Variants in MKLN1 observed in about 807,000 individuals in gnomAD.
MKLN1 encodes muskelin.
A neutral mutation model predicts 99.0 loss-of-function variants in MKLN1; 18 were observed. The observed-to-expected ratio is 0.18, with a 90% CI of 0.13 to 0.27. MKLN1 has a LOEUF of 0.27. MKLN1 is among the 10% of genes least tolerant of loss of function. MKLN1 has a pLI of 1.00. For missense variants in MKLN1, 621 were observed against 875.9 expected, an observed-to-expected ratio of 0.71 and a Z score of 3.67; for synonymous variants, 288 against 293.2, an observed-to-expected ratio of 0.98 and a Z score of 0.18.
At chr7:131,262,957 T>C (rs1472038350) in intron 3 of MKLN1, among the ~76,000 whole-genome samples, 3 of 152,220 alleles carry the variant, frequency 2.0e-5, no homozygotes, top group Admixed American at 6.5e-5. Context: ...GCAGTTGTTC[T>C]ACAGAATGTT....
chr7:131,116,172 G>C (rs1795275513), intron 1 of MKLN1, among the ~76,000 whole-genome samples: 1 of 150,990 alleles, frequency 6.6e-6, no homozygotes, highest in Non-Finnish European at 1.5e-5. Context: ...GGGCATGGTG[G>C]TGGGACTATA....
intron 2 of MKLN1, among the ~76,000 whole-genome samples, chr7:131,160,492 A>AATAATT (rs1554530190): frequency 1.5e-4 from 21 of 138,982 alleles, no homozygotes; most frequent in Admixed American, 8.1e-4. Flanking sequence ...TATTATTATT[A>AATAATT]ATTATTATTA....
rs461124 is a variant in MKLN1 at position 131,455,080 on chromosome 7, C to T, written c.1526-8137C>T. Among the ~76,000 whole-genome samples the T allele has an allele frequency of 5.6e-3, 860 of 152,224 alleles. 5 individuals are homozygous for T. The highest frequency in any genetic ancestry group is 9.8e-3 in the Non-Finnish European group (664 of 67,976). On this transcript the variant is annotated intron_variant, in intron 12 of 17. Transcript: ENST00000352689. ...GTGGAAAGCTATTTTTTATTAGATT[C>T]TGTATTTCTGTGACAGCTCTGAAAA... is the stretch of plus-strand genomic sequence containing the variant.
At chr7:131,174,311 C>T (rs111856456) in intron 2 of MKLN1, among the ~76,000 whole-genome samples, 9,133 of 152,170 alleles carry the variant, frequency 0.06, 340 homozygotes, top group African/African-American at 0.12. Context: ...CTCACTCCAC[C>T]GTTTCCTTTT....
intron 3 of MKLN1, among the ~76,000 whole-genome samples, chr7:131,287,593 A>G (rs1798151859): frequency 6.6e-6 from 1 of 151,948 alleles, no homozygotes; most frequent in South Asian, 2.1e-4. Context: ...ACTTAATCAC[A>G]TATTTTGCCA....
At chr7:131,132,879 T>C (rs1584780923) in intron 1 of MKLN1, among the ~76,000 whole-genome samples, 1 of 121,540 alleles carries the variant, frequency 8.2e-6, no homozygotes, top group Non-Finnish European at 1.6e-5. Flanking sequence ...TGGACCGAGA[T>C]CAAGCCACTG....
intron 2 of MKLN1, among the ~76,000 whole-genome samples, chr7:131,180,515 A>G (rs1796363657): frequency 6.6e-6 from 1 of 152,128 alleles, no homozygotes; most frequent in South Asian, 2.1e-4. Flanking sequence ...CATGGCCAAC[A>G]TGGTGAAACT....
chr7:131,218,222 T>TA (rs1335862983), intron 3 of MKLN1, among the ~76,000 whole-genome samples: 2 of 152,186 alleles, frequency 1.3e-5, no homozygotes, highest in Non-Finnish European at 2.9e-5. Context: ...AATAATGATG[T>TA]TATCCATAGG....
chr7:131,495,306 C>CT lies in MKLN1; in HGVS notation c.*7580dup, dbSNP rs1797528079. ...AATAAAATCTGTCTTTCCAAGTCTG[C>CT]TTATTAATGCTGTGAATCGCTCCTT... On this transcript the variant is annotated 3_prime_UTR_variant, in exon 18 of 18. Transcript: ENST00000352689. 6.6e-6 allele frequency: 1 copy of CT among 152,128 alleles called. No individual in the cohort carries two copies. Among genetic ancestry groups the CT allele is most frequent in the Admixed American group, 6.5e-5 (1 of 15,270 alleles). The allele number at this position is 152,128 out of a possible 1,614,324, so 9.4% of individuals were successfully genotyped here. A position where few individuals can be genotyped will look rare whatever the true frequency, so the allele number is the denominator to read the frequency against.
chr7:131,193,056 A>AT (rs2116390759), intron 2 of MKLN1, among the ~76,000 whole-genome samples: 1 of 152,330 alleles, frequency 6.6e-6, no homozygotes, highest in African/African-American at 2.4e-5. Flanking sequence ...TTGGAAGTAA[A>AT]TGAGTATTCT....
chr7:131,130,132 A>G (rs966599487), intron 1 of MKLN1, among the ~76,000 whole-genome samples: 1 of 152,220 alleles, frequency 6.6e-6, no homozygotes, highest in African/African-American at 2.4e-5. Context: ...TTTAGATGAG[A>G]TTCAAATTTC....
intron 8 of MKLN1, among the ~76,000 whole-genome samples, chr7:131,417,156 T>C (rs774142101): frequency 6.6e-5 from 10 of 152,122 alleles, no homozygotes; most frequent in Non-Finnish European, 1.2e-4. Flanking sequence ...TAAGGATTTA[T>C]TATAGGTTAG....
chr7:131,130,104 A>C (rs1031646543), intron 1 of MKLN1, among the ~76,000 whole-genome samples: 8 of 152,228 alleles, frequency 5.3e-5, no homozygotes, highest in Admixed American at 5.2e-4. Context: ...GATACATTTA[A>C]ATTAGACAAA....
At chr7:131,243,043 A>C (rs1195479482) in intron 3 of MKLN1, 1 of 546,890 alleles carries the variant, frequency 1.8e-6, no homozygotes, top group African/African-American at 1.9e-5. Flanking sequence ...AGAAAAAAAA[A>C]AGGAAAGTTC....
intron 1 of MKLN1, among the ~76,000 whole-genome samples, chr7:131,340,028 A>G (rs1400443956): frequency 6.6e-6 from 1 of 151,960 alleles, no homozygotes; most frequent in Non-Finnish European, 1.5e-5. Context: ...AACCCTGGAT[A>G]TGTTTCTTTT....
Position 131,470,191 on chromosome 7 carries a change from C to T in MKLN1, c.1929-651C>T, listed in dbSNP as rs528215766. 9.9e-5 allele frequency among the ~76,000 whole-genome samples: 15 copies of T among 152,034 alleles called. No individual in the cohort carries two copies. In the South Asian group the frequency reaches 1.5e-3, roughly 15 times the overall value. On this transcript the variant is annotated intron_variant, in intron 15 of 17. Coordinates refer to ENST00000352689, the MANE Select transcript of MKLN1 (RefSeq NM_013255.5). ...TTTTTTGTTTTTTTTGTGTGATAAA[C>T]GATGATAAAATAGATCATCATCATT...
At chr7:131,245,093 A>G (rs1345807476) in intron 3 of MKLN1, among the ~76,000 whole-genome samples, 1 of 152,184 alleles carries the variant, frequency 6.6e-6, no homozygotes, top group Non-Finnish European at 1.5e-5. Context: ...CATGATACTA[A>G]TAAGAAACTC....
chr7:131,277,733 C>T (rs988435900), intron 3 of MKLN1, among the ~76,000 whole-genome samples: 9 of 152,162 alleles, frequency 5.9e-5, no homozygotes, highest in South Asian at 4.1e-4. Flanking sequence ...CATTTCAAAA[C>T]GGCTAGAAGA....
At chr7:131,195,284 G>T (rs996692475) in intron 2 of MKLN1, among the ~76,000 whole-genome samples, 1 of 152,158 alleles carries the variant, frequency 6.6e-6, no homozygotes, top group Admixed American at 6.5e-5. Flanking sequence ...ACCGAGGCGG[G>T]TGGATCACTT....
Sources: gnomAD v4.1 joint callset for allele counts (sites outside exome capture counted in the v4.1 genomes callset) on GRCh38, gnomAD v4.1.1 for gene constraint, MANE v1.5 for transcripts, NCBI Gene and HGNC (gene_info 2026-07-23, HGNC 2026-07-21) for gene names.